Variants in CECR2 observed in about 807,000 individuals in gnomAD.
CECR2 encodes the protein chromatin remodeling regulator CECR2.
In CECR2, 30 loss-of-function variants were observed where a neutral mutation model predicts 154.5. The observed-to-expected ratio is 0.19, with a 90% CI of 0.15 to 0.26. The LOEUF is 0.26. Among genes scored for constraint, CECR2 ranks in the 10% least tolerant of loss-of-function variants. The probability of loss-of-function intolerance (pLI) is 1.00; values close to 1 mark genes in which losing one functional copy is unlikely to be tolerated. For missense variants in CECR2, 1,743 were observed against 1,829.3 expected (o/e 0.95, Z 0.86); for synonymous variants, 725 against 683.7 (o/e 1.06, Z -0.94).
At chr22:17,402,563 T>C (rs1032290064) in intron 1 of CECR2, among the ~76,000 whole-genome samples, 1 of 152,168 alleles carries the variant, frequency 6.6e-6, no homozygotes, top group Admixed American at 6.5e-5. Flanking sequence ...ATTTGGCCCT[T>C]GGATTGTAGT....
intron 1 of CECR2, among the ~76,000 whole-genome samples, chr22:17,461,869 T>C (rs1240737871): frequency 4.0e-5 from 6 of 151,178 alleles, no homozygotes; most frequent in Non-Finnish European, 8.8e-5. Context: ...CTTGGCTCAC[T>C]GCAACCTCCG....
rs547043540 is a variant in CECR2, at chr22:17,506,036, G to A, written c.870+1020G>A. ...ATTATTTTTTATTTTTTGTAGAGAC[G>A]AGGTCTTGCTCTGCTGCCTAGGCTT... On this transcript the variant is annotated intron_variant, in intron 7 of 18. Coordinates refer to ENST00000262608, the MANE Select transcript of CECR2 (RefSeq NM_001290047.2). 1.4e-3 allele frequency among the ~76,000 whole-genome samples: 217 copies of A among 151,548 alleles called. 1 individual carries two copies. The highest frequency in any genetic ancestry group is 1.7e-3 in the Non-Finnish European group (117 of 67,898).
intron 2 of CECR2, among the ~76,000 whole-genome samples, chr22:17,478,351 A>G (rs2055245080): frequency 8.1e-6 from 1 of 123,620 alleles, no homozygotes; most frequent in Non-Finnish European, 1.7e-5. Flanking sequence ...AATGGTATCA[A>G]ATTTTTTTTT....
intron 2 of CECR2, among the ~76,000 whole-genome samples, chr22:17,494,743 A>G (rs893140532): frequency 1.3e-5 from 2 of 152,146 alleles, no homozygotes; most frequent in African/African-American, 4.8e-5. Context: ...TGCCCAGGCT[A>G]CAGTGCAGGG....
intron 1 of CECR2, among the ~76,000 whole-genome samples, chr22:17,378,058 A>G (rs1204979743): frequency 7.3e-6 from 1 of 136,974 alleles, no homozygotes; most frequent in African/African-American, 2.6e-5. Context: ...ATCTTGGCTC[A>G]CTGCAACCTC....
At chr22:17,435,345 G>T (rs1201866776) in intron 1 of CECR2, among the ~76,000 whole-genome samples, 6 of 152,130 alleles carry the variant, frequency 3.9e-5, no homozygotes. Context: ...CAGATTGACA[G>T]TCCATGAACA....
chr22:17,495,179 A>G (rs976496059), intron 2 of CECR2, among the ~76,000 whole-genome samples: 2 of 152,204 alleles, frequency 1.3e-5, no homozygotes, highest in Admixed American at 6.6e-5. Flanking sequence ...CACATCAAGC[A>G]TGAGGTAAAT....
At position 17,542,554 on chromosome 22, in the gene CECR2, C is replaced by A. The variant is rs1422176388; in HGVS notation, c.2411C>A (p.Thr804Asn). ...CCAGGACCCTCTCACCAGCCTCGCA[C>A]TCTCGGTCACGTGATGGATTCCCGA... Reference protein sequence around the residue: ...LGPGPSHQPRTLGHVMDSRVM... With the variant: ...LGPGPSHQPRNLGHVMDSRVM... Residue 804 changes from threonine (T) to asparagine (N), a missense_variant, in exon 16 of 19, where the codon ACT (threonine) becomes AAT (asparagine). Physicochemically the swap from Thr to Asn is moderately conservative, Grantham distance 65. This residue lies in a region of CECR2 where 1,250 missense variants were observed against 1,192.1 expected (regional missense o/e 1.05). Transcript: ENST00000262608. 6.2e-7 allele frequency: 1 copy of A among 1,613,904 alleles called. No individual in the cohort carries two copies. The highest frequency in any genetic ancestry group is 1.3e-5 in the African/African-American group (1 of 74,938).
chr22:17,465,047 A>C lies in CECR2; in HGVS notation c.127-12541A>C, dbSNP rs1468102197. On this transcript the variant is annotated intron_variant, in intron 1 of 18. Coordinates refer to ENST00000262608, the MANE Select transcript of CECR2 (RefSeq NM_001290047.2). The stretch of plus-strand genomic sequence containing the variant: ...AGTCTCGCTTTGTCGCCCAGGCTGG[A>C]GTGCAGTGGCGCGATCTCAGCTCAC... Among the ~76,000 whole-genome samples, 5 of 143,518 alleles carry C rather than the reference A, an allele frequency of 3.5e-5. No homozygotes were observed. In the South Asian group the frequency reaches 6.5e-4, roughly 19 times the overall value. The allele number at this position is 143,518 out of a possible 152,430, so 94.2% of individuals were successfully genotyped here.
At chr22:17,449,480 G>GTCCTTTTT (rs1479640468) in intron 1 of CECR2, among the ~76,000 whole-genome samples, 2 of 97,240 alleles carry the variant, frequency 2.1e-5, no homozygotes, top group Non-Finnish European at 4.0e-5. Context: ...TTGGTAACCA[G>GTCCTTTTT]TTCTTTTTTT....
chr22:17,412,437 G>A (rs1226793555), intron 1 of CECR2, among the ~76,000 whole-genome samples: 1 of 152,110 alleles, frequency 6.6e-6, no homozygotes, highest in Non-Finnish European at 1.5e-5. Flanking sequence ...TGTGCCCAAA[G>A]CATGCCTGGA....
chr22:17,458,894 A>C (rs2054894670), intron 1 of CECR2, among the ~76,000 whole-genome samples: 1 of 152,188 alleles, frequency 6.6e-6, no homozygotes, highest in African/African-American at 2.4e-5. Context: ...AAAAGGAGCA[A>C]AAAAATCTCA....
chr22:17,506,220 G>A (rs2055841904), intron 7 of CECR2, among the ~76,000 whole-genome samples: 2 of 152,190 alleles, frequency 1.3e-5, no homozygotes, highest in Non-Finnish European at 1.5e-5. Context: ...GCTCACTGCA[G>A]CCTCAATCTC....
At chr22:17,482,634 A>T (rs1331918863) in intron 2 of CECR2, among the ~76,000 whole-genome samples, 1 of 151,816 alleles carries the variant, frequency 6.6e-6, no homozygotes, top group Non-Finnish European at 1.5e-5. Context: ...CCTGGTCTCA[A>T]ACGATCTTCC....
At chr22:17,458,202 A>G (rs7290503) in intron 1 of CECR2, among the ~76,000 whole-genome samples, 38,187 of 151,930 alleles carry the variant, frequency 0.25, 6,216 homozygotes, top group East Asian at 0.53. Context: ...GGATCACGAG[A>G]TCAGGAGTTC....
chr22:17,546,742 T>A (rs1478008098), intron 16 of CECR2, among the ~76,000 whole-genome samples: 1 of 151,574 alleles, frequency 6.6e-6, no homozygotes, highest in Non-Finnish European at 1.5e-5. Flanking sequence ...AGAAAGATAA[T>A]AAAAAGATTA....
rs185630123 is a variant in CECR2 at position 17,548,964 on chromosome 22, C to T, written c.3677C>T (p.Pro1226Leu). ...CCCCAGGGAAGCCCAAGCGGACCCC[C>T]AGCCAGTCAGCCTCCCCCACCAAGG... The part of the protein sequence containing the change: ...LHPQGSPSGP[P>L]ASQPPPPRSL... The change falls in exon 17 of 19, where the codon CCA becomes CTA. Residue 1226 changes from proline to leucine, a missense_variant. Coordinates refer to ENST00000262608, the MANE Select transcript of CECR2 (RefSeq NM_001290047.2). 1 of 1,613,986 alleles carries T rather than the reference C, an allele frequency of 6.2e-7. No individual in the cohort carries two copies. The highest frequency in any genetic ancestry group is 1.3e-5 in the African/African-American group (1 of 75,034).
At chr22:17,367,229 GGTA>G (rs1020885067), upstream of CECR2, among the ~76,000 whole-genome samples, 1 of 152,092 alleles carries the variant, frequency 6.6e-6, no homozygotes, top group Non-Finnish European at 1.5e-5. Flanking sequence ...CGTACTAAAA[GGTA>G]GCCAAATCAT....
intron 9 of CECR2, among the ~76,000 whole-genome samples, chr22:17,533,700 T>TTTG (rs1601528005): frequency 2.0e-5 from 3 of 150,052 alleles, no homozygotes; most frequent in Non-Finnish European, 4.4e-5. Flanking sequence ...AAGGGCCTTT[T>TTTG]TTTGTTTGTT....
Sources: gnomAD v4.1 joint callset for allele counts (sites outside exome capture counted in the v4.1 genomes callset) on GRCh38, gnomAD v4.1.1 for gene constraint, gnomAD v4.1.1 regional missense constraint, MANE v1.5 for transcripts, NCBI Gene and HGNC (gene_info 2026-07-23, HGNC 2026-07-21) for gene names.